SLC38A6: variants seen among roughly 807,000 people sequenced by gnomAD.
SLC38A6 encodes the protein solute carrier family 38 member 6.
Under a neutral mutation model 65.0 loss-of-function variants are expected in SLC38A6, and 73 were observed. That is an observed-to-expected ratio of 1.12 (90% CI 0.93 to 1.37). The LOEUF (loss-of-function observed/expected upper bound fraction) is 1.37. Ranked by LOEUF, SLC38A6 falls within the 40% of genes most tolerant of loss-of-function variation. The pLI, the probability that SLC38A6 is intolerant of heterozygous loss-of-function variation, is 0.00. For missense variants in SLC38A6, 561 were observed against 531.1 expected (o/e 1.06, Z -0.55); for synonymous variants, 183 against 178.8 (o/e 1.02, Z -0.19).
intron 8 of SLC38A6, among the ~76,000 whole-genome samples, chr14:61,039,635 T>C (rs2041656438): frequency 6.6e-6 from 1 of 151,642 alleles, no homozygotes; most frequent in African/African-American, 2.4e-5. Flanking sequence ...CCTCCCAAAG[T>C]GCTGGGATTA....
intron 15 of SLC38A6, among the ~76,000 whole-genome samples, chr14:61,063,275 A>G (rs961580336): frequency 1.2e-4 from 18 of 152,106 alleles, no homozygotes; most frequent in African/African-American, 3.9e-4. Flanking sequence ...CTATCTAAAA[A>G]CTTTTATAAC....
chr14:61,020,365 T>C (rs2040280921), intron 5 of SLC38A6, among the ~76,000 whole-genome samples: 1 of 152,184 alleles, frequency 6.6e-6, no homozygotes, highest in Admixed American at 6.5e-5. Context: ...CAGGATTGTA[T>C]AGTCAGAGGA....
chr14:61,061,276 C>T (rs117959115), intron 15 of SLC38A6, among the ~76,000 whole-genome samples: 81 of 152,288 alleles, frequency 5.3e-4, no homozygotes, highest in South Asian at 2.9e-3. Flanking sequence ...CCTTGCATCC[C>T]GTATAAGTGT....
At chr14:61,081,289 G>T (rs111286979) in intron 16 of SLC38A6, among the ~76,000 whole-genome samples, 3 of 152,230 alleles carry the variant, frequency 2.0e-5, no homozygotes, top group African/African-American at 7.2e-5. Flanking sequence ...TGGGCCCAGA[G>T]ACCACAGGAA....
intron 3 of SLC38A6, among the ~76,000 whole-genome samples, chr14:61,010,972 G>A (rs1175492711): frequency 6.6e-6 from 1 of 152,132 alleles, no homozygotes. Context: ...ATTACCTTGG[G>A]CAGTATGGCC....
At chr14:61,050,206 A>C (rs1169297702) in intron 12 of SLC38A6, among the ~76,000 whole-genome samples, 7 of 152,190 alleles carry the variant, frequency 4.6e-5, no homozygotes, top group Non-Finnish European at 1.0e-4. Flanking sequence ...GCACTTTATA[A>C]ACAAACAGCA....
At chr14:61,045,992 C>A (rs2042123902) in intron 11 of SLC38A6, 75 bp from the exon 12 acceptor site, 12 of 815,458 alleles carry the variant, frequency 1.5e-5, no homozygotes, top group Non-Finnish European at 2.4e-5. Context: ...ATTCTCTCGA[C>A]CAGCTTAGGA....
intron 3 of SLC38A6, 22 bp from the exon 4 acceptor site, chr14:61,015,882 A>G (rs2039975670): frequency 1.9e-6 from 3 of 1,592,332 alleles, no homozygotes; most frequent in Non-Finnish European, 2.6e-6. Context: ...GTAAAAGTGA[A>G]CATTGTAATT....
intron 3 of SLC38A6, chr14:61,001,925 C>T (rs1037300754): frequency 6.6e-6 from 1 of 152,128 alleles, no homozygotes; most frequent in African/African-American, 2.4e-5. Context: ...CTTTCACCTT[C>T]CTTATTCCTA....
At position 61,030,633 on chromosome 14, in the gene SLC38A6, G is replaced by T. The variant is rs534750969; in HGVS notation, c.482+110G>T. 8.5e-6 allele frequency: 6 copies of T among 705,014 alleles called. No individual in the cohort carries two copies. In the East Asian group the frequency reaches 1.3e-4, roughly 16 times the overall value. The allele number at this position is 705,014 out of a possible 1,614,324, so 43.7% of individuals were successfully genotyped here. A position where few individuals can be genotyped will look rare whatever the true frequency, so the allele number is the denominator to read the frequency against. On this transcript the variant is annotated intron_variant, in intron 6 of 15. Coordinates refer to ENST00000267488, the MANE Select transcript of SLC38A6 (RefSeq NM_153811.3). ...GGCAGGTAAAATAAATGTAGTCCTT[G>T]CCCTCAAGACAGTTACAAATTAGGC... is the stretch of plus-strand genomic sequence containing the variant.
chr14:60,981,571 C>T, intron 1 of SLC38A6, 189 bp downstream of exon 1: 1 of 1,524,190 alleles, frequency 6.6e-7, no homozygotes, highest in Non-Finnish European at 8.8e-7. Flanking sequence ...AACGTGATAG[C>T]AGCCTAGCAT....
chr14:61,083,510 C>A lies in SLC38A6; in HGVS notation c.1409-45C>A, dbSNP rs576975208. ...AAGAAGTAATTAAATTAAAATGAGG[C>A]CATTAAGCCCTAATTCAATGTGACT... On this transcript the variant is annotated intron_variant, in intron 16 of 16. Coordinates refer to the SLC38A6 transcript ENST00000354886. The A allele has an allele frequency of 5.4e-5, 82 of 1,527,596 alleles. 1 individual carries two copies. The South Asian group carries it at 9.8e-4, about 18-fold the overall frequency. The allele number at this position is 1,527,596 out of a possible 1,614,324, so 94.6% of individuals were successfully genotyped here.
chr14:61,040,225 G>A (rs2041708061), intron 8 of SLC38A6, among the ~76,000 whole-genome samples: 1 of 151,886 alleles, frequency 6.6e-6, no homozygotes, highest in African/African-American at 2.4e-5. Context: ...AGACTGGAGT[G>A]CAGTGGCATG....
At chr14:61,063,938 A>G (rs192758913) in intron 15 of SLC38A6, among the ~76,000 whole-genome samples, 88 of 152,366 alleles carry the variant, frequency 5.8e-4, no homozygotes, top group Middle Eastern at 3.4e-3. Context: ...GATAGATTAA[A>G]TGTTTATCCC....
intron 3 of SLC38A6, among the ~76,000 whole-genome samples, chr14:61,011,010 C>G (rs2039521356): frequency 6.6e-6 from 1 of 152,260 alleles, no homozygotes; most frequent in South Asian, 2.1e-4. Flanking sequence ...TCTTCCTACC[C>G]ATGCGCATGG....
At chr14:60,994,832 C>T (rs2038164895) in intron 3 of SLC38A6, among the ~76,000 whole-genome samples, 3 of 151,266 alleles carry the variant, frequency 2.0e-5, no homozygotes, top group South Asian at 2.1e-4. Context: ...GGTGAAACCC[C>T]GTCTCTACTA....
In SLC38A6 at chr14:61,007,969, A is replaced by C. The variant is rs145832533; in HGVS notation, c.311-7935A>C. ...CTTTAGAATATGTGATTTGAAAAAA[A>C]AGAATGTTGACATTTCACATAGTTG... On this transcript the variant is annotated intron_variant, in intron 3 of 15. Transcript: ENST00000267488. 7.6e-3 allele frequency among the ~76,000 whole-genome samples: 1,162 copies of C among 152,262 alleles called. 48 individuals are homozygous for C. The highest frequency in any genetic ancestry group is 0.068 in the Admixed American group (1,036 of 15,294).
intron 15 of SLC38A6, among the ~76,000 whole-genome samples, chr14:61,066,896 G>C (rs1032627401): frequency 6.6e-6 from 1 of 151,916 alleles, no homozygotes; most frequent in African/African-American, 2.4e-5. Flanking sequence ...AAGCAAAAGG[G>C]CTGGCTAATT....
At chr14:61,003,792 G>T (rs2038878649) in intron 3 of SLC38A6, among the ~76,000 whole-genome samples, 1 of 152,076 alleles carries the variant, frequency 6.6e-6, no homozygotes, top group Non-Finnish European at 1.5e-5. Context: ...GTTGTCTCAG[G>T]AATGGAAAAG....
Sources: gnomAD v4.1 joint callset for allele counts (sites outside exome capture counted in the v4.1 genomes callset) on GRCh38, gnomAD v4.1.1 for gene constraint, MANE v1.5 for transcripts, NCBI Gene and HGNC (gene_info 2026-07-23, HGNC 2026-07-21) for gene names.